SPOCK3: variants seen among roughly 807,000 people sequenced by gnomAD.
SPOCK3 encodes SPARC (osteonectin), cwcv and kazal like domains proteoglycan 3.
Under a neutral mutation model 56.6 loss-of-function variants are expected in SPOCK3, and 30 were observed. The ratio of observed to expected loss-of-function variants is 0.53; its 90% CI spans 0.40 to 0.72. The LOEUF (loss-of-function observed/expected upper bound fraction) is 0.72, where lower values mean the gene tolerates loss of function less well. Ranked by LOEUF, SPOCK3 falls within the 30% of genes least tolerant of loss-of-function variation. The pLI, the probability that SPOCK3 is intolerant of heterozygous loss-of-function variation, is 0.00. For missense variants in SPOCK3, 527 were observed against 530.0 expected, an observed-to-expected ratio of 0.99 and a Z score of 0.06; for synonymous variants, 196 against 183.3, an observed-to-expected ratio of 1.07 and a Z score of -0.56.
At chr4:166,984,273 T>C (rs769716023) in intron 4 of SPOCK3, among the ~76,000 whole-genome samples, 10 of 152,080 alleles carry the variant, frequency 6.6e-5, no homozygotes, top group Admixed American at 2.6e-4. Flanking sequence ...AGCAAGGTTG[T>C]ATGGCTTTCC....
At chr4:167,210,278 A>G (rs1734747288) in intron 2 of SPOCK3, among the ~76,000 whole-genome samples, 1 of 152,122 alleles carries the variant, frequency 6.6e-6, no homozygotes, top group Non-Finnish European at 1.5e-5. Context: ...AACTCTGCTC[A>G]TTCATCAAAA....
At chr4:166,899,910 C>A (rs1735858505) in intron 5 of SPOCK3, among the ~76,000 whole-genome samples, 1 of 152,170 alleles carries the variant, frequency 6.6e-6, no homozygotes, top group African/African-American at 2.4e-5. Context: ...ATTCTTACCA[C>A]CAAAATGTAG....
At chr4:166,862,498 C>CT (rs1320408147) in intron 6 of SPOCK3, among the ~76,000 whole-genome samples, 1 of 151,864 alleles carries the variant, frequency 6.6e-6, no homozygotes, top group Non-Finnish European at 1.5e-5. Flanking sequence ...TTGCTACTAA[C>CT]TTTTTTATCT....
chr4:166,822,420 C>T (rs1355772209), intron 6 of SPOCK3, among the ~76,000 whole-genome samples: 6 of 151,986 alleles, frequency 3.9e-5, no homozygotes, highest in Admixed American at 2.0e-4. Context: ...CAGAAGCCCT[C>T]GATAAATTCT....
chr4:167,001,209 C>T (rs975712835), intron 3 of SPOCK3, among the ~76,000 whole-genome samples: 1 of 152,064 alleles, frequency 6.6e-6, no homozygotes, highest in African/African-American at 2.4e-5. Context: ...AAATTATCAC[C>T]ACAATCAATA....
At chr4:166,958,976 TTA>T (rs1326601865) in intron 4 of SPOCK3, among the ~76,000 whole-genome samples, 1 of 152,160 alleles carries the variant, frequency 6.6e-6, no homozygotes, top group Non-Finnish European at 1.5e-5. Flanking sequence ...TTAAAAAATG[TTA>T]TGTCTTTGAT....
At chr4:166,955,647 TTATAA>T (rs1743364201) in intron 4 of SPOCK3, among the ~76,000 whole-genome samples, 1 of 146,716 alleles carries the variant, frequency 6.8e-6, no homozygotes, top group South Asian at 2.1e-4. Context: ...TTAAATTTAA[TTATAA>T]TATAAATTAT....
At chr4:167,220,817 C>A (rs1735838801) in intron 2 of SPOCK3, among the ~76,000 whole-genome samples, 1 of 152,194 alleles carries the variant, frequency 6.6e-6, no homozygotes, top group African/African-American at 2.4e-5. Flanking sequence ...TAGGGATAAA[C>A]ATTACTATTT....
chr4:167,081,431 TAG>T (rs1302655352), intron 2 of SPOCK3, among the ~76,000 whole-genome samples: 1 of 152,024 alleles, frequency 6.6e-6, no homozygotes, highest in Non-Finnish European at 1.5e-5. Flanking sequence ...GTTAACATTG[TAG>T]AGAGTCAACT....
chr4:167,017,018 A>C (rs1015319089), intron 3 of SPOCK3, among the ~76,000 whole-genome samples: 1 of 152,132 alleles, frequency 6.6e-6, no homozygotes, highest in African/African-American at 2.4e-5. Context: ...ACAAGATTTG[A>C]AACATGCAAA....
intron 2 of SPOCK3, among the ~76,000 whole-genome samples, chr4:167,144,267 T>G (rs1763759363): frequency 6.6e-6 from 1 of 152,026 alleles, no homozygotes; most frequent in South Asian, 2.1e-4. Context: ...ACAATTATCT[T>G]TGTGCTTTAT....
chr4:166,803,158 G>A (rs1464182549), intron 6 of SPOCK3, among the ~76,000 whole-genome samples: 16 of 152,116 alleles, frequency 1.1e-4, no homozygotes, highest in Admixed American at 1.0e-3. Context: ...AAATTTTTAA[G>A]TGATAAATTC....
Position 166,787,884 on chromosome 4 carries a change from TA to T in SPOCK3, c.709+4285del, listed in dbSNP as rs1221474171. 5.3e-5 allele frequency among the ~76,000 whole-genome samples: 8 copies of T among 152,250 alleles called. No homozygotes were observed. The East Asian group carries it at 1.5e-3, about 29-fold the overall frequency. On this transcript the variant is annotated intron_variant, in intron 7 of 10. Coordinates refer to ENST00000357545, the MANE Select transcript of SPOCK3 (RefSeq NM_001040159.2). ...TATATCTACTAAGTGTTTGAGATTA[TA>T]AAAAACATAAATTTGGCCAGGAGCA... is the stretch of plus-strand genomic sequence containing the variant.
At chr4:166,953,692 C>T (rs936285551) in intron 4 of SPOCK3, among the ~76,000 whole-genome samples, 6 of 152,128 alleles carry the variant, frequency 3.9e-5, no homozygotes, top group African/African-American at 9.7e-5. Context: ...ACCCAAATGT[C>T]CAACAATGAT....
At chr4:167,225,965 T>C (rs1289346586) in intron 2 of SPOCK3, among the ~76,000 whole-genome samples, 1 of 152,180 alleles carries the variant, frequency 6.6e-6, no homozygotes, top group African/African-American at 2.4e-5. Flanking sequence ...ATGTTGTTAG[T>C]GGTACTTTCC....
At chr4:167,134,903 T>C (rs1762989949) in intron 2 of SPOCK3, among the ~76,000 whole-genome samples, 1 of 151,998 alleles carries the variant, frequency 6.6e-6, no homozygotes, top group Non-Finnish European at 1.5e-5. Context: ...TAAGACTGTT[T>C]TCTTAGTGCA....
At chr4:167,214,517 G>T (rs1315553745) in intron 2 of SPOCK3, among the ~76,000 whole-genome samples, 1 of 152,022 alleles carries the variant, frequency 6.6e-6, no homozygotes, top group East Asian at 1.9e-4. Context: ...ATATACATTA[G>T]ATTATTTGTC....
chr4:166,901,800 C>T (rs1043843426), intron 5 of SPOCK3, among the ~76,000 whole-genome samples: 5 of 152,164 alleles, frequency 3.3e-5, no homozygotes, highest in South Asian at 4.2e-4. Flanking sequence ...AGTGGGGGGT[C>T]GGAGACACTG....
chr4:167,168,382 G>A (rs190571792), intron 2 of SPOCK3, among the ~76,000 whole-genome samples: 24 of 152,272 alleles, frequency 1.6e-4, no homozygotes, highest in African/African-American at 5.5e-4. Context: ...GGAAGATGTG[G>A]CAAAGTTTGG....
Sources: gnomAD v4.1 joint callset for allele counts (sites outside exome capture counted in the v4.1 genomes callset) on GRCh38, gnomAD v4.1.1 for gene constraint, MANE v1.5 for transcripts, NCBI Gene and HGNC (gene_info 2026-07-23, HGNC 2026-07-21) for gene names.